AUTS2: variants seen among roughly 807,000 people sequenced by gnomAD.
AUTS2 encodes the protein autism susceptibility gene 2 protein.
AUTS2 carries 17 observed loss-of-function variants against 112.4 expected under a neutral mutation model. That is an observed-to-expected ratio of 0.15 (90% CI 0.10 to 0.23). AUTS2 has a LOEUF of 0.23. Among genes scored for constraint, AUTS2 ranks in the 10% least tolerant of loss-of-function variants. The pLI is 1.00. For synonymous variants in AUTS2, 751 were observed against 702.7 expected, an observed-to-expected ratio of 1.07 and a Z score of -1.09; for missense variants, 1,510 against 1,701.6, an observed-to-expected ratio of 0.89 and a Z score of 1.98.
intron 1 of AUTS2, among the ~76,000 whole-genome samples, chr7:69,659,785 C>T (rs1795713674): frequency 6.6e-6 from 1 of 151,966 alleles, no homozygotes; most frequent in Non-Finnish European, 1.5e-5. Flanking sequence ...GTGCATAAAT[C>T]CAGCCTAAAG....
At chr7:70,665,817 T>A (rs1807317421) in intron 5 of AUTS2, among the ~76,000 whole-genome samples, 1 of 152,212 alleles carries the variant, frequency 6.6e-6, no homozygotes, top group Admixed American at 6.5e-5. Context: ...GGGCCAACTG[T>A]GGGACTTGAG....
At chr7:70,235,486 G>T (rs530171796) in intron 4 of AUTS2, among the ~76,000 whole-genome samples, 37 of 152,022 alleles carry the variant, frequency 2.4e-4, no homozygotes, top group Non-Finnish European at 2.1e-4. Context: ...GTCACCAGCC[G>T]GGAGGGGCTT....
chr7:70,174,837 A>T (rs1475129285), intron 4 of AUTS2, among the ~76,000 whole-genome samples: 6 of 152,182 alleles, frequency 3.9e-5, no homozygotes, highest in African/African-American at 1.4e-4. Flanking sequence ...TTCATTGATA[A>T]TGTACATGAT....
intron 1 of AUTS2, among the ~76,000 whole-genome samples, chr7:69,835,068 A>C (rs1791662430): frequency 6.6e-6 from 1 of 151,888 alleles, no homozygotes; most frequent in Non-Finnish European, 1.5e-5. Context: ...TATTTTGAGA[A>C]TTAGCGAAAC....
At chr7:69,723,846 T>C (rs964926535) in intron 1 of AUTS2, among the ~76,000 whole-genome samples, 1 of 152,138 alleles carries the variant, frequency 6.6e-6, no homozygotes, top group African/African-American at 2.4e-5. Context: ...AACGGTAGTT[T>C]AGTGAAATGG....
chr7:70,322,509 C>T (rs1790300886), intron 4 of AUTS2, among the ~76,000 whole-genome samples: 2 of 152,132 alleles, frequency 1.3e-5, no homozygotes, highest in Admixed American at 6.5e-5. Context: ...TACCTGTTAG[C>T]CTCATGCCTG....
At chr7:70,519,458 A>C (rs1267706902) in intron 5 of AUTS2, among the ~76,000 whole-genome samples, 1 of 152,238 alleles carries the variant, frequency 6.6e-6, no homozygotes, top group Non-Finnish European at 1.5e-5. Flanking sequence ...ACCAAGAACC[A>C]GGGAACCAGT....
chr7:70,494,612 G>A (rs574094853), intron 5 of AUTS2, among the ~76,000 whole-genome samples: 91 of 151,954 alleles, frequency 6.0e-4, no homozygotes, highest in Middle Eastern at 3.4e-3. Context: ...GTTCCCACTG[G>A]CTGCCATTTT....
At chr7:70,447,906 TA>T (rs1796380475) in intron 5 of AUTS2, among the ~76,000 whole-genome samples, 1 of 152,244 alleles carries the variant, frequency 6.6e-6, no homozygotes, top group Admixed American at 6.5e-5. Flanking sequence ...TTTGATAGGT[TA>T]AGACTAAGCA....
intron 5 of AUTS2, among the ~76,000 whole-genome samples, chr7:70,528,234 T>C (rs1295898753): frequency 6.7e-6 from 1 of 148,432 alleles, no homozygotes; most frequent in Non-Finnish European, 1.5e-5. Flanking sequence ...GGGTCAAGAT[T>C]CCCCCAATGA....
intron 1 of AUTS2, among the ~76,000 whole-genome samples, chr7:69,656,663 C>G (rs570031946): frequency 5.9e-4 from 90 of 152,228 alleles, no homozygotes; most frequent in African/African-American, 2.1e-3. Context: ...GGAAAATGAC[C>G]AAGAAAAGAA....
intron 14 of AUTS2, among the ~76,000 whole-genome samples, chr7:70,778,563 C>CTCA (rs1790855939): frequency 7.2e-6 from 1 of 139,320 alleles, no homozygotes; most frequent in African/African-American, 2.8e-5. Flanking sequence ...ATAGCAAGAT[C>CTCA]TCATCTCTAA....
chr7:69,783,507 A>G (rs993518690), intron 1 of AUTS2, among the ~76,000 whole-genome samples: 1 of 151,948 alleles, frequency 6.6e-6, no homozygotes, highest in African/African-American at 2.4e-5. Context: ...TTTTTGCGGC[A>G]TCTTTCCAGG....
At chr7:70,751,530 C>T (rs181786695) in intron 6 of AUTS2, among the ~76,000 whole-genome samples, 1 of 152,254 alleles carries the variant, frequency 6.6e-6, no homozygotes, top group East Asian at 1.9e-4. Context: ...ATTGTCTTCC[C>T]GCCTAAGGAA....
At chr7:70,082,954 T>C (rs868055699) in intron 2 of AUTS2, among the ~76,000 whole-genome samples, 15 of 152,356 alleles carry the variant, frequency 9.8e-5, no homozygotes, top group Middle Eastern at 3.4e-3. Flanking sequence ...TGCTAGGGAT[T>C]CATTAGTAAA....
intron 1 of AUTS2, among the ~76,000 whole-genome samples, chr7:69,800,087 A>T (rs1790017115): frequency 6.6e-6 from 1 of 152,242 alleles, no homozygotes; most frequent in African/African-American, 2.4e-5. Flanking sequence ...GTTATTAAGC[A>T]TATACTCTCT....
chr7:70,430,251 G>T (rs1017697137), intron 4 of AUTS2, among the ~76,000 whole-genome samples: 2 of 152,162 alleles, frequency 1.3e-5, no homozygotes, highest in Non-Finnish European at 2.9e-5. Context: ...AGGGCAACGT[G>T]GGAGAGGGGC....
At chr7:69,945,953 C>T (rs540898231) in intron 2 of AUTS2, among the ~76,000 whole-genome samples, 9 of 152,272 alleles carry the variant, frequency 5.9e-5, no homozygotes, top group Admixed American at 2.6e-4. Context: ...CTTCCCACCT[C>T]AGCCTCCTGA....
intron 1 of AUTS2, among the ~76,000 whole-genome samples, chr7:69,634,417 G>C (rs1054157930): frequency 5.9e-5 from 9 of 152,144 alleles, no homozygotes; most frequent in African/African-American, 1.7e-4. Flanking sequence ...ACCGCGCCCG[G>C]CCCAGACTTG....
Sources: gnomAD v4.1 joint callset for allele counts (sites outside exome capture counted in the v4.1 genomes callset) on GRCh38, gnomAD v4.1.1 for gene constraint, MANE v1.5 for transcripts, NCBI Gene and HGNC (gene_info 2026-07-23, HGNC 2026-07-21) for gene names.